NKAIN2: variants seen among roughly 807,000 people sequenced by gnomAD.
The protein encoded by NKAIN2 is sodium/potassium-transporting ATPase subunit beta-1-interacting protein 2.
A neutral mutation model predicts 32.6 loss-of-function variants in NKAIN2; 14 were observed. The ratio of observed to expected loss-of-function variants is 0.43; its 90% CI spans 0.28 to 0.67. The LOEUF is 0.67. Ranked by LOEUF, NKAIN2 falls within the 30% of genes least tolerant of loss-of-function variation. The pLI, the probability that NKAIN2 is intolerant of heterozygous loss-of-function variation, is 0.17. For synonymous variants in NKAIN2, 80 were observed against 87.2 expected, an observed-to-expected ratio of 0.92 and a Z score of 0.46; for missense variants, 198 against 258.3, an observed-to-expected ratio of 0.77 and a Z score of 1.60.
chr6:124,640,108 A>G (rs765038773), intron 3 of NKAIN2, among the ~76,000 whole-genome samples: 4 of 152,106 alleles, frequency 2.6e-5, no homozygotes, highest in Non-Finnish European at 5.9e-5. Context: ...GTCAACCGAA[A>G]ATAGAAGCAA....
chr6:124,338,023 A>C (rs1290617387), intron 2 of NKAIN2, among the ~76,000 whole-genome samples: 1 of 152,302 alleles, frequency 6.6e-6, no homozygotes, highest in East Asian at 1.9e-4. Context: ...CAGTAGAAAA[A>C]CTATAATTAA....
intron 1 of NKAIN2, among the ~76,000 whole-genome samples, chr6:124,123,254 G>C (rs1785979769): frequency 6.6e-6 from 1 of 151,994 alleles, no homozygotes; most frequent in Non-Finnish European, 1.5e-5. Flanking sequence ...CTGACTCTCT[G>C]ATGGAAGACA....
chr6:124,603,414 C>T (rs1782380507), intron 3 of NKAIN2, among the ~76,000 whole-genome samples: 1 of 151,852 alleles, frequency 6.6e-6, no homozygotes, highest in Admixed American at 6.6e-5. Context: ...TCATCATATA[C>T]ATTTAGTTAA....
chr6:124,655,229 G>A (rs545394446), intron 3 of NKAIN2, among the ~76,000 whole-genome samples: 8 of 152,086 alleles, frequency 5.3e-5, no homozygotes, highest in Non-Finnish European at 8.8e-5. Context: ...GATGATGATA[G>A]CTGTGTTCCC....
intron 1 of NKAIN2, among the ~76,000 whole-genome samples, chr6:123,997,597 C>CTTTTTTTTTTTTTTT (rs545393601): frequency 1.0e-5 from 1 of 98,258 alleles, no homozygotes; most frequent in Non-Finnish European, 1.9e-5. Flanking sequence ...GGAGTTTATT[C>CTTTTTTTTTTTTTTT]TTTTTTTTTT....
Position 124,801,588 on chromosome 6 carries a change from T to C in NKAIN2, c.535+10189T>C, listed in dbSNP as rs529789883. Among the ~76,000 whole-genome samples the C allele has an allele frequency of 5.3e-5, 8 of 152,350 alleles. No individual in the cohort carries two copies. In the East Asian group the frequency reaches 1.5e-3, roughly 29 times the overall value. ...CAACTACTGGGTGGTAGGCTATTTA[T>C]TGTCACTAGGGATAAAGCAGGGAAC... On this transcript the variant is annotated intron_variant, in intron 5 of 6. Coordinates refer to ENST00000368417, the MANE Select transcript of NKAIN2 (RefSeq NM_001040214.3).
rs927665853 is a variant in NKAIN2 at position 123,894,070 on chromosome 6, T to C, written c.54+89816T>C. Reference sequence around the variant, plus strand: ...TGTCCTGTTGTTTTTAAATTAAAAGTGTTAATGTGTTTAAATGTAGACATA... The same window carrying C: ...TGTCCTGTTGTTTTTAAATTAAAAGCGTTAATGTGTTTAAATGTAGACATA... On this transcript the variant is annotated intron_variant, in intron 1 of 6. Transcript: ENST00000368417. Among the ~76,000 whole-genome samples the C allele has an allele frequency of 7.9e-5, 12 of 152,380 alleles. No homozygotes were observed. The East Asian group carries it at 2.1e-3, about 27-fold the overall frequency.
intron 3 of NKAIN2, among the ~76,000 whole-genome samples, chr6:124,644,643 A>T (rs961713524): frequency 1.3e-5 from 2 of 152,038 alleles, no homozygotes; most frequent in Non-Finnish European, 2.9e-5. Flanking sequence ...TGACCTTGTG[A>T]TCCGCCTGCC....
intron 3 of NKAIN2, among the ~76,000 whole-genome samples, chr6:124,522,939 C>G (rs1398436114): frequency 6.7e-6 from 1 of 150,342 alleles, no homozygotes; most frequent in South Asian, 2.1e-4. Flanking sequence ...GTCAGGAGAT[C>G]GAGACCATCC....
intron 3 of NKAIN2, among the ~76,000 whole-genome samples, chr6:124,599,221 G>T (rs1383086329): frequency 1.3e-5 from 2 of 150,946 alleles, no homozygotes; most frequent in South Asian, 4.2e-4. Flanking sequence ...TTATTTCAAT[G>T]TAGATAATAC....
At chr6:123,987,832 T>G (rs1284917581) in intron 1 of NKAIN2, among the ~76,000 whole-genome samples, 1 of 152,226 alleles carries the variant, frequency 6.6e-6, no homozygotes, top group African/African-American at 2.4e-5. Context: ...ATAATTCTGT[T>G]ATCTTTTAGA....
rs757732667 is a variant in NKAIN2 at position 124,809,699 on chromosome 6, C to A, written c.536-8688C>A. ...ACTACCATCAGAGTGAACAGGCAAC[C>A]CACAAAATGGGAGAAAATTTTCACA... On this transcript the variant is annotated intron_variant, in intron 5 of 6. Transcript: ENST00000368417. Among the ~76,000 whole-genome samples, 989 of 151,192 alleles carry A rather than the reference C, an allele frequency of 6.5e-3. 2 individuals are homozygous for A. Among genetic ancestry groups the A allele is most frequent in the Non-Finnish European group, 9.4e-3 (636 of 67,790 alleles).
At chr6:124,222,373 A>T (rs1791880019) in intron 1 of NKAIN2, among the ~76,000 whole-genome samples, 1 of 152,244 alleles carries the variant, frequency 6.6e-6, no homozygotes, top group African/African-American at 2.4e-5. Flanking sequence ...AATTTACATA[A>T]AGATATAAAT....
chr6:124,016,243 T>C (rs1020314954), intron 1 of NKAIN2, among the ~76,000 whole-genome samples: 1 of 152,182 alleles, frequency 6.6e-6, no homozygotes. Context: ...GGTTTTGTCA[T>C]AAAATTTTCA....
At chr6:124,100,137 C>T (rs1784814095) in intron 1 of NKAIN2, among the ~76,000 whole-genome samples, 1 of 152,172 alleles carries the variant, frequency 6.6e-6, no homozygotes, top group Non-Finnish European at 1.5e-5. Context: ...TCATTCAGTA[C>T]CTGACAAAGC....
intron 1 of NKAIN2, among the ~76,000 whole-genome samples, chr6:123,844,836 A>G (rs1469204327): frequency 6.6e-6 from 1 of 152,214 alleles, no homozygotes; most frequent in African/African-American, 2.4e-5. Flanking sequence ...AGTATTAGAC[A>G]TATACTCTTC....
At chr6:124,491,073 T>C (rs1777844020) in intron 3 of NKAIN2, among the ~76,000 whole-genome samples, 1 of 152,066 alleles carries the variant, frequency 6.6e-6, no homozygotes. Flanking sequence ...TTCAGATTAA[T>C]ATCTTTAGAG....
At chr6:124,810,122 C>T (rs1325538002) in intron 5 of NKAIN2, among the ~76,000 whole-genome samples, 1 of 152,074 alleles carries the variant, frequency 6.6e-6, no homozygotes, top group Non-Finnish European at 1.5e-5. Context: ...ACCCAGCCAT[C>T]CCATTACTGG....
intron 3 of NKAIN2, among the ~76,000 whole-genome samples, chr6:124,585,019 A>G (rs1203676227): frequency 6.6e-6 from 1 of 152,230 alleles, no homozygotes; most frequent in Non-Finnish European, 1.5e-5. Flanking sequence ...CATGTTTATT[A>G]CAGCACTATT....
Sources: gnomAD v4.1 joint callset for allele counts (sites outside exome capture counted in the v4.1 genomes callset) on GRCh38, gnomAD v4.1.1 for gene constraint, MANE v1.5 for transcripts, NCBI Gene and HGNC (gene_info 2026-07-23, HGNC 2026-07-21) for gene names.